Variants in TJP3 observed in about 807,000 individuals in gnomAD.
TJP3 encodes tight junction protein ZO-3.
A neutral mutation model predicts 104.2 loss-of-function variants in TJP3; 85 were observed. The observed-to-expected ratio is 0.82, with a 90% CI of 0.68 to 0.98. TJP3 has a LOEUF of 0.98. TJP3 is among the 50% of genes least tolerant of loss of function. The pLI is 0.00. For missense variants in TJP3, 1,367 were observed against 1,322.8 expected (o/e 1.03, Z -0.52); for synonymous variants, 550 against 550.6 (o/e 1.00, Z 0.02).
Position 3,746,390 on chromosome 19 carries a change from C to T in TJP3, c.2011-95C>T. On this transcript the variant is annotated intron_variant, in intron 16 of 20. Coordinates refer to ENST00000541714, the MANE Select transcript of TJP3 (RefSeq NM_001267560.2). This position sits in a 1 kb window ranked among gnomAD's most constrained non-coding sequence, Gnocchi z 4.1. ...GCCTGTGGATGTGAGAGGCTGGGGT[C>T]CACTCTGACCTCAGACTCTTCATCT... 1 of 1,367,590 alleles carries T rather than the reference C, an allele frequency of 7.3e-7. No individual in the cohort carries two copies. Among genetic ancestry groups the T allele is most frequent in the Non-Finnish European group, 1.0e-6 (1 of 986,402 alleles). 84.7% of individuals were successfully genotyped at this position (1,367,590 alleles called of 1,614,324 possible).
chr19:3,717,595 T>C (rs2036492273), intron 1 of TJP3, among the ~76,000 whole-genome samples: 1 of 151,580 alleles, frequency 6.6e-6, no homozygotes, highest in African/African-American at 2.4e-5. Context: ...GCCACCATCC[T>C]TGGCTAATTT....
intron 3 of TJP3, among the ~76,000 whole-genome samples, chr19:3,729,813 T>C (rs1011621364): frequency 5.3e-5 from 8 of 150,734 alleles, no homozygotes; most frequent in Non-Finnish European, 1.0e-4. Context: ...GCTTCCACTC[T>C]ATGATTATAG....
chr19:3,741,842 T>A (rs1356409648), intron 14 of TJP3, among the ~76,000 whole-genome samples: 5 of 132,866 alleles, frequency 3.8e-5, no homozygotes, highest in Non-Finnish European at 8.2e-5. Flanking sequence ...TGGTGGCAGG[T>A]GCCTATAATC....
intron 8 of TJP3, among the ~76,000 whole-genome samples, chr19:3,734,873 G>A (rs1337915368): frequency 6.6e-6 from 1 of 152,108 alleles, no homozygotes; most frequent in African/African-American, 2.4e-5. Context: ...AGAATCACTT[G>A]AACCCAGGAA....
At chr19:3,726,580 C>G (rs2036597930) in intron 1 of TJP3, among the ~76,000 whole-genome samples, 1 of 150,138 alleles carries the variant, frequency 6.7e-6, no homozygotes, top group South Asian at 2.2e-4. Context: ...GCCTCAGCAA[C>G]AGAGTTTTTT....
chr19:3,738,584 A>G lies in TJP3; in HGVS notation c.1314A>G (p.Thr438=). ...ATGACGTGCCATTCCAGAACCTGACACGGGAGGAGGCAGTGCAGTTCCTGC... is the reference window on the plus strand; with the variant it reads ...ATGACGTGCCATTCCAGAACCTGACGCGGGAGGAGGCAGTGCAGTTCCTGC... ...QVNDVPFQNL[T]REEAVQFLLG... Residue 438 remains threonine, a synonymous_variant, in exon 12 of 21, where the codon ACA becomes ACG. Coordinates refer to ENST00000541714, the MANE Select transcript of TJP3 (RefSeq NM_001267560.2). The G allele has an allele frequency of 6.2e-7, 1 of 1,613,788 alleles. No homozygotes were observed. Among genetic ancestry groups the G allele is most frequent in the Non-Finnish European group, 8.5e-7 (1 of 1,179,890 alleles).
rs182131717 is a variant in TJP3 at position 3,720,092 on chromosome 19, T to C, written c.-9-8332T>C. On this transcript the variant is annotated intron_variant, in intron 1 of 20. Coordinates refer to ENST00000541714, the MANE Select transcript of TJP3 (RefSeq NM_001267560.2). ...TGACAACCCTGTGATGTAGGGGCTA[T>C]TATTTTCCCCAATTACAGATGTGGA... 5.4e-5 allele frequency among the ~76,000 whole-genome samples: 8 copies of C among 148,692 alleles called. No homozygotes were observed. In the East Asian group the frequency reaches 5.8e-4, roughly 11 times the overall value.
chr19:3,710,220 T>C (rs1193971810), intron 1 of TJP3, among the ~76,000 whole-genome samples: 1 of 150,722 alleles, frequency 6.6e-6, no homozygotes, highest in Admixed American at 6.6e-5. Flanking sequence ...GTGCCGGATG[T>C]AATAAAGCGG....
rs1402420703 is a variant in TJP3, at chr19:3,736,162, C to A, written c.1128-3C>A. Reference sequence around the variant, plus strand: ...CTGACCCCATCTCTGCCTCCCCTTGCAGGTACAGCCCCGACACGCGTGTGG... The same window carrying A: ...CTGACCCCATCTCTGCCTCCCCTTGAAGGTACAGCCCCGACACGCGTGTGG... On this transcript the variant is annotated splice_region_variant and splice_polypyrimidine_tract_variant and intron_variant, in intron 10 of 20. Coordinates refer to ENST00000541714, the MANE Select transcript of TJP3 (RefSeq NM_001267560.2). 1.3e-6 allele frequency: 2 copies of A among 1,582,518 alleles called. No homozygotes were observed. The highest frequency in any genetic ancestry group is 4.5e-5 in the East Asian group (2 of 44,522).
rs995486746 is a variant in TJP3 at position 3,730,242 on chromosome 19, T to C, written c.261+112T>C. ...GGAGTCATCTTCTCATCTTACAGTT[T>C]GGACATTGAGGCCCAGAGAGAGACT... On this transcript the variant is annotated intron_variant, in intron 4 of 20. Transcript: ENST00000541714. This position sits in a 1 kb window ranked among gnomAD's most constrained non-coding sequence, Gnocchi z 7.3. The C allele has an allele frequency of 2.0e-6, 3 of 1,501,124 alleles. No homozygotes were observed. Among genetic ancestry groups the C allele is most frequent in the Non-Finnish European group, 2.7e-6 (3 of 1,093,412 alleles). 93.0% of individuals were successfully genotyped at this position (1,501,124 alleles called of 1,614,324 possible).
chr19:3,720,684 T>C (rs1599145111), intron 1 of TJP3, among the ~76,000 whole-genome samples: 1 of 151,896 alleles, frequency 6.6e-6, no homozygotes, highest in East Asian at 1.9e-4. Flanking sequence ...CCCAGGTGAC[T>C]TGAAGGTTTC....
At chr19:3,712,900 T>C (rs1048540181) in intron 1 of TJP3, among the ~76,000 whole-genome samples, 5 of 150,478 alleles carry the variant, frequency 3.3e-5, no homozygotes, top group Middle Eastern at 6.8e-3. Context: ...CAGTGAGCTA[T>C]GATTGCACCA....
At chr19:3,717,148 A>C (rs2036486494) in intron 1 of TJP3, among the ~76,000 whole-genome samples, 1 of 145,928 alleles carries the variant, frequency 6.9e-6, no homozygotes, top group Non-Finnish European at 1.5e-5. Context: ...TATTTTTAGT[A>C]GAGACGAGGT....
chr19:3,740,922 C>G (rs1459662858), intron 14 of TJP3, among the ~76,000 whole-genome samples, 159 bp downstream of exon 14: 1 of 152,176 alleles, frequency 6.6e-6, no homozygotes, highest in Non-Finnish European at 1.5e-5. Context: ...AGGAGGATCG[C>G]TGAGGCCAGG....
Position 3,731,994 on chromosome 19 carries a change from G to A in TJP3, c.673G>A (p.Ala225Thr). 2.5e-6 allele frequency: 4 copies of A among 1,613,480 alleles called. No homozygotes were observed. In the South Asian group the frequency reaches 4.4e-5, roughly 18 times the overall value. Reference sequence around the variant, plus strand: ...CAAGCACATTACAGATTCGGGCCTGGCTGCCCGGCACCGTGGGCTGCAGGA... The same window carrying A: ...CAAGCACATTACAGATTCGGGCCTGACTGCCCGGCACCGTGGGCTGCAGGA... The part of the protein sequence containing the change: ...FIKHITDSGL[A>T]ARHRGLQEGD... Residue 225 changes from alanine (A) to threonine (T), a missense_variant, in exon 6 of 21, where the codon GCT becomes ACT. Transcript: ENST00000541714.
At chr19:3,721,858 T>C (rs2036545307) in intron 1 of TJP3, 2 of 1,209,996 alleles carry the variant, frequency 1.7e-6, no homozygotes, top group East Asian at 6.4e-5. Context: ...CAGGACCCCC[T>C]CGGGTAGGGG....
rs754720097 is a variant in TJP3, at chr19:3,730,002, C to T, written c.159-26C>T. The T allele has an allele frequency of 6.2e-7, 1 of 1,607,166 alleles. No homozygotes were observed. The highest frequency in any genetic ancestry group is 8.5e-7 in the Non-Finnish European group (1 of 1,173,894). ...GAGGGTCTCCCCTGCAAAGCCTCCT[C>T]CGTAAGACCCGCCCTCCTCTCTCAG... is the stretch of plus-strand genomic sequence containing the variant. On this transcript the variant is annotated intron_variant, in intron 3 of 20. Transcript: ENST00000541714. The surrounding 1 kb of genome is among the most constrained non-coding windows in gnomAD (Gnocchi z 7.3).
Position 3,735,910 on chromosome 19 carries a change from A to C in TJP3, c.1102A>C (p.Ser368Arg). The C allele has an allele frequency of 6.2e-7, 1 of 1,614,186 alleles. No homozygotes were observed. The highest frequency in any genetic ancestry group is 8.5e-7 in the Non-Finnish European group (1 of 1,180,044). The part of the protein sequence containing the change: ...ESSYDIYRVP[S>R]SQSMEDRGYS... Reference sequence around the variant, plus strand: ...CAGCTATGACATCTACAGAGTGCCCAGCAGTCAGAGCATGGAGGATCGTGG... The same window carrying C: ...CAGCTATGACATCTACAGAGTGCCCCGCAGTCAGAGCATGGAGGATCGTGG... The change falls in exon 10 of 21, where the codon AGC becomes CGC. Residue 368 changes from serine (S) to arginine (R), a missense_variant. Ser to Arg is a moderately radical substitution (Grantham distance 110, BLOSUM62 -1). Transcript: ENST00000541714.
chr19:3,709,529 A>G (rs890481373), intron 1 of TJP3, among the ~76,000 whole-genome samples: 1 of 152,176 alleles, frequency 6.6e-6, no homozygotes, highest in African/African-American at 2.4e-5. Context: ...TTTGCTCCCA[A>G]ATGGGAAGAC....
Sources: gnomAD v4.1 joint callset for allele counts (sites outside exome capture counted in the v4.1 genomes callset) on GRCh38, gnomAD v4.1.1 for gene constraint, Gnocchi (gnomAD v3.1) non-coding constraint, MANE v1.5 for transcripts, NCBI Gene and HGNC (gene_info 2026-07-23, HGNC 2026-07-21) for gene names.